Variants in RBFOX3 observed in about 807,000 individuals in gnomAD.
The protein encoded by RBFOX3 is RNA binding fox-1 homolog 3.
A neutral mutation model predicts 48.7 loss-of-function variants in RBFOX3; 17 were observed. The observed-to-expected ratio is 0.35, with a 90% CI of 0.24 to 0.52. The LOEUF (loss-of-function observed/expected upper bound fraction) is 0.52. RBFOX3 is among the 20% of genes least tolerant of loss of function. RBFOX3 has a pLI of 0.94. For missense variants in RBFOX3, 382 were observed against 497.5 expected (o/e 0.77, Z 2.21); for synonymous variants, 212 against 209.5 (o/e 1.01, Z -0.10).
chr17:79,327,139 A>T (rs12940295), intron 2 of RBFOX3, among the ~76,000 whole-genome samples: 2 of 151,978 alleles, frequency 1.3e-5, no homozygotes, highest in Admixed American at 6.5e-5. Flanking sequence ...GGTACCCCCC[A>T]CACCTTCCCC....
At chr17:79,150,306 C>T (rs576804622) in intron 4 of RBFOX3, among the ~76,000 whole-genome samples, 6 of 152,074 alleles carry the variant, frequency 3.9e-5, no homozygotes, top group East Asian at 1.9e-4. Flanking sequence ...TTGGGTAGGA[C>T]GCTCTGGGTC....
chr17:79,638,382 A>G, the RBFOX3 span, among the ~76,000 whole-genome samples: 1 of 152,080 alleles, frequency 6.6e-6, no homozygotes, highest in Non-Finnish European at 1.5e-5. Context: ...TCAAATAAAT[A>G]AAGTCAGAAA....
At chr17:79,265,380 C>T (rs1049803866) in intron 3 of RBFOX3, among the ~76,000 whole-genome samples, 12 of 152,182 alleles carry the variant, frequency 7.9e-5, no homozygotes, top group Non-Finnish European at 1.6e-4. Flanking sequence ...AGGGTTTCAC[C>T]GGCAGCAGCT....
At chr17:79,310,938 C>G (rs1228212980) in intron 2 of RBFOX3, among the ~76,000 whole-genome samples, 1 of 152,100 alleles carries the variant, frequency 6.6e-6, no homozygotes, top group African/African-American at 2.4e-5. Context: ...GGGATTCAGT[C>G]CAGCACGTAC....
chr17:79,354,753 C>T (rs36008918), intron 2 of RBFOX3, among the ~76,000 whole-genome samples: 20,014 of 152,268 alleles, frequency 0.13, 1,875 homozygotes, highest in Non-Finnish European at 0.2. Context: ...AGGGACCTCA[C>T]CTCCAACTCC....
chr17:79,126,079 C>A, intron 4 of RBFOX3, among the ~76,000 whole-genome samples: 1 of 152,230 alleles, frequency 6.6e-6, no homozygotes, highest in East Asian at 1.9e-4. Context: ...CCGAGGCCAG[C>A]AGCTATGTGT....
intron 4 of RBFOX3, among the ~76,000 whole-genome samples, chr17:79,148,536 C>T (rs548689959): frequency 4.6e-5 from 7 of 152,304 alleles, no homozygotes; most frequent in South Asian, 4.1e-4. Context: ...CCTCTGTCCC[C>T]GGCCACTGAG....
intron 13 of RBFOX3, among the ~76,000 whole-genome samples, chr17:79,095,245 C>CG (rs1336512119): frequency 9.6e-6 from 1 of 104,654 alleles, no homozygotes; most frequent in Non-Finnish European, 2.0e-5. Context: ...ACGGGGCTTG[C>CG]GGGGGGCGGT....
At chr17:79,326,662 G>A (rs998250048) in intron 2 of RBFOX3, among the ~76,000 whole-genome samples, 3 of 152,192 alleles carry the variant, frequency 2.0e-5, no homozygotes, top group Non-Finnish European at 4.4e-5. Context: ...CCTGCCAGAG[G>A]TGGCGAGCTC....
intron 1 of RBFOX3, among the ~76,000 whole-genome samples, chr17:79,533,114 C>T (rs1568385564): frequency 6.6e-6 from 1 of 152,240 alleles, no homozygotes; most frequent in Non-Finnish European, 1.5e-5. Context: ...CCCCCATTTT[C>T]TAGATGAAGG....
At chr17:79,098,095 A>AC (rs1028624284) in intron 9 of RBFOX3, 10 of 269,400 alleles carry the variant, frequency 3.7e-5, no homozygotes, top group African/African-American at 1.5e-4. Flanking sequence ...CTTGTTATCT[A>AC]CCCCCCTGAG....
intron 2 of RBFOX3, among the ~76,000 whole-genome samples, chr17:79,310,868 G>A (rs2076756537): frequency 6.6e-6 from 1 of 152,142 alleles, no homozygotes; most frequent in African/African-American, 2.4e-5. Context: ...TCAGCTCTTG[G>A]GGTCTCGGGG....
chr17:79,268,919 T>A lies in RBFOX3; in HGVS notation c.-73-33114A>T, dbSNP rs186034934. On this transcript the variant is annotated intron_variant, in intron 3 of 14. Transcript: ENST00000693108. ...CTGAAACGTCTCCCTCTCACCCCCT[T>A]GTCTTCACACGCCTCCTTGTCCAGC... Among the ~76,000 whole-genome samples, 28 of 152,338 alleles carry A rather than the reference T, an allele frequency of 1.8e-4. No individual in the cohort carries two copies. The East Asian group carries it at 4.8e-3, about 26-fold the overall frequency.
chr17:79,441,647 C>A (rs1393314255), intron 2 of RBFOX3, among the ~76,000 whole-genome samples: 1 of 152,070 alleles, frequency 6.6e-6, no homozygotes, highest in Non-Finnish European at 1.5e-5. Flanking sequence ...TCCAGAATGG[C>A]AGAGAGTCCA....
chr17:79,387,206 C>T (rs1376317790), intron 2 of RBFOX3, among the ~76,000 whole-genome samples: 1 of 152,182 alleles, frequency 6.6e-6, no homozygotes, highest in African/African-American at 2.4e-5. Flanking sequence ...ACAGCATTTC[C>T]ACTGCGTGAC....
At chr17:79,476,295 C>T (rs991235573) in intron 2 of RBFOX3, among the ~76,000 whole-genome samples, 20 of 152,352 alleles carry the variant, frequency 1.3e-4, no homozygotes, top group South Asian at 1.0e-3. Context: ...GCGCCCTCTG[C>T]GACCCGCCCA....
intron 4 of RBFOX3, among the ~76,000 whole-genome samples, chr17:79,181,700 C>T (rs1157788946): frequency 1.3e-5 from 2 of 152,210 alleles, no homozygotes; most frequent in African/African-American, 4.8e-5. Flanking sequence ...GCCTCTGCTC[C>T]TGACCATCAC....
chr17:79,169,320 C>T (rs1452756244), intron 4 of RBFOX3, among the ~76,000 whole-genome samples: 3 of 152,226 alleles, frequency 2.0e-5, no homozygotes, highest in African/African-American at 4.8e-5. Flanking sequence ...GCTGGGGTAG[C>T]GGTGAGGATT....
chr17:79,396,316 G>C (rs1432672035), intron 2 of RBFOX3, among the ~76,000 whole-genome samples: 1 of 152,170 alleles, frequency 6.6e-6, no homozygotes, highest in Non-Finnish European at 1.5e-5. Flanking sequence ...CCCTGTGTCT[G>C]TGCGTCTGAG....
Sources: gnomAD v4.1 joint callset for allele counts (sites outside exome capture counted in the v4.1 genomes callset) on GRCh38, gnomAD v4.1.1 for gene constraint, MANE v1.5 for transcripts, NCBI Gene and HGNC (gene_info 2026-07-23, HGNC 2026-07-21) for gene names.